The following UGGT2 variants were observed in gnomAD, a reference collection of about 807,000 sequenced individuals.
UGGT2 encodes UDP-glucose:glycoprotein glucosyltransferase 2.
UGGT2 carries 180 observed loss-of-function variants against 192.1 expected under a neutral mutation model. The ratio of observed to expected loss-of-function variants is 0.94; its 90% confidence interval spans 0.83 to 1.06. UGGT2 has a LOEUF of 1.06. Among genes scored for constraint, UGGT2 ranks in the 50% least tolerant of loss-of-function variants. The pLI is 0.00. For missense variants in UGGT2, 1,849 were observed against 1,795.7 expected (o/e 1.03, Z -0.54); for synonymous variants, 580 against 591.0 (o/e 0.98, Z 0.27).
chr13:95,894,547 C>G lies in UGGT2; in HGVS notation c.2855+15G>C, dbSNP rs189350892. On this transcript the variant is annotated intron_variant, in intron 24 of 38. Transcript: ENST00000376747. ...TTAACAGAAAAATCACAAACAAATA[C>G]GAATACATTCTTACCTGTGATTCTC... is the stretch of plus-strand genomic sequence containing the variant. 6.3e-7 allele frequency: 1 copy of G among 1,593,632 alleles called. No individual in the cohort carries two copies. Among genetic ancestry groups the G allele is most frequent in the East Asian group, 2.3e-5 (1 of 44,422 alleles).
chr13:95,817,144 A>G (rs1013651149), intron 38 of UGGT2, among the ~76,000 whole-genome samples: 3 of 152,170 alleles, frequency 2.0e-5, no homozygotes, highest in African/African-American at 7.2e-5. Context: ...AAGTCACTAA[A>G]CTGTAAGCTT....
chr13:95,879,414 T>A lies in UGGT2; in HGVS notation c.3229-1558A>T, dbSNP rs1266509172. Reference sequence around the variant, plus strand: ...GTGATTTAAGTTAAATTAGTTCCTATTTTCAAAGCTCATTTATTTATTTAT... The same window carrying A: ...GTGATTTAAGTTAAATTAGTTCCTAATTTCAAAGCTCATTTATTTATTTAT... On this transcript the variant is annotated intron_variant, in intron 27 of 38. Transcript: ENST00000376747. 3.3e-5 allele frequency among the ~76,000 whole-genome samples: 5 copies of A among 152,176 alleles called. No individual in the cohort carries two copies. In the East Asian group the frequency reaches 9.6e-4, roughly 29 times the overall value.
At chr13:95,882,795 A>T (rs956227992) in intron 27 of UGGT2, among the ~76,000 whole-genome samples, 3 of 152,222 alleles carry the variant, frequency 2.0e-5, no homozygotes, top group African/African-American at 7.2e-5. Context: ...TTTCACCAGC[A>T]GATTCAATTT....
intron 38 of UGGT2, among the ~76,000 whole-genome samples, chr13:95,806,051 A>AAC (rs1033500678): frequency 1.3e-5 from 2 of 151,260 alleles, no homozygotes; most frequent in Non-Finnish European, 2.9e-5. Context: ...AAAAAAAAAA[A>AAC]ACACACAGTG....
chr13:95,860,537 T>A (rs1279956470), intron 32 of UGGT2, among the ~76,000 whole-genome samples: 3 of 148,902 alleles, frequency 2.0e-5, no homozygotes, highest in African/African-American at 4.9e-5. Flanking sequence ...ACTATTTGGG[T>A]AAAAGGACTT....
In UGGT2 at chr13:96,002,697, T is replaced by C. The variant is rs150414413; in HGVS notation, c.661-3390A>G. Among the ~76,000 whole-genome samples, 700 of 152,174 alleles carry C rather than the reference T, an allele frequency of 4.6e-3. 12 individuals carry two copies. The East Asian group carries it at 0.049, about 11-fold the overall frequency. On this transcript the variant is annotated intron_variant, in intron 5 of 38. Transcript: ENST00000376747. ...CTTTTACTAAATAGCAATAACTAACTCAAAATTATACAATGAACAATTAAA... is the reference window on the plus strand; with the variant it reads ...CTTTTACTAAATAGCAATAACTAACCCAAAATTATACAATGAACAATTAAA...
chr13:95,802,114 C>T (rs1035007871), intron 38 of UGGT2, among the ~76,000 whole-genome samples: 2 of 152,104 alleles, frequency 1.3e-5, no homozygotes, highest in Non-Finnish European at 2.9e-5. Context: ...TCCTGCCTGG[C>T]AGATAAGAGG....
At chr13:95,872,301 A>G (rs143075211) in intron 29 of UGGT2, among the ~76,000 whole-genome samples, 35 of 152,320 alleles carry the variant, frequency 2.3e-4, no homozygotes, top group Middle Eastern at 3.4e-3. Flanking sequence ...ACAGACACAG[A>G]AAGTACACAT....
chr13:95,814,356 A>C (rs1366505323), intron 38 of UGGT2, among the ~76,000 whole-genome samples: 2 of 152,216 alleles, frequency 1.3e-5, no homozygotes, highest in Non-Finnish European at 2.9e-5. Flanking sequence ...CCCACCCTTC[A>C]TATCAGTGTA....
At chr13:96,026,479 T>C (rs2052668034) in intron 2 of UGGT2, among the ~76,000 whole-genome samples, 1 of 152,160 alleles carries the variant, frequency 6.6e-6, no homozygotes, top group Non-Finnish European at 1.5e-5. Flanking sequence ...AAAGGATCTT[T>C]TCTATCATAG....
chr13:95,916,930 C>A (rs2048698611), intron 20 of UGGT2, among the ~76,000 whole-genome samples: 1 of 151,474 alleles, frequency 6.6e-6, no homozygotes, highest in South Asian at 2.1e-4. Flanking sequence ...GATGGGGTAC[C>A]TGAAAGAAAC....
intron 27 of UGGT2, among the ~76,000 whole-genome samples, chr13:95,878,611 TAACTA>T (rs1472763421): frequency 5.3e-5 from 8 of 152,200 alleles, no homozygotes; most frequent in African/African-American, 1.9e-4. Flanking sequence ...ATGAACAGCA[TAACTA>T]AACATGAAAA....
chr13:95,962,914 C>G (rs1245481142), intron 12 of UGGT2, among the ~76,000 whole-genome samples: 2 of 152,078 alleles, frequency 1.3e-5, no homozygotes, highest in African/African-American at 4.8e-5. Flanking sequence ...AGGAACAAGT[C>G]ACATCTTATA....
At chr13:95,832,494 C>G (rs3101573) in intron 38 of UGGT2, among the ~76,000 whole-genome samples, 5 of 148,986 alleles carry the variant, frequency 3.4e-5, no homozygotes, top group African/African-American at 7.7e-5. Flanking sequence ...ACCACAAACA[C>G]GTGGGGAAAC....
At chr13:95,986,205 G>T in intron 9 of UGGT2, 128 bp downstream of exon 9, 1 of 629,676 alleles carries the variant, frequency 1.6e-6, no homozygotes, top group Non-Finnish European at 2.7e-6. Context: ...AAAAGGCCCT[G>T]ATTTCACAAA....
chr13:95,950,358 T>A (rs547718287), intron 12 of UGGT2, among the ~76,000 whole-genome samples: 13 of 152,158 alleles, frequency 8.5e-5, no homozygotes, highest in African/African-American at 3.1e-4. Flanking sequence ...CTATATACAC[T>A]GTAGACTTTC....
chr13:95,858,554 C>T (rs533759285), intron 33 of UGGT2, among the ~76,000 whole-genome samples: 1 of 152,268 alleles, frequency 6.6e-6, no homozygotes, highest in Non-Finnish European at 1.5e-5. Flanking sequence ...GAAATAAGTG[C>T]TATCCACTGT....
chr13:95,881,384 A>T (rs1167777962), intron 27 of UGGT2, among the ~76,000 whole-genome samples: 2 of 152,178 alleles, frequency 1.3e-5, no homozygotes, highest in Admixed American at 1.3e-4. Flanking sequence ...GAAGAGACAG[A>T]ACTCTTCGCT....
chr13:95,924,743 TTAAG>T (rs1331752794), intron 20 of UGGT2, among the ~76,000 whole-genome samples: 1 of 152,090 alleles, frequency 6.6e-6, no homozygotes, highest in African/African-American at 2.4e-5. Context: ...GTGAGGGCAC[TTAAG>T]TAACACCAAA....
Sources: allele counts gnomAD v4.1 joint callset (sites outside exome capture counted in the v4.1 genomes callset), GRCh38; gene constraint gnomAD v4.1.1; transcripts MANE v1.5; gene names NCBI Gene and HGNC (gene_info 2026-07-23, HGNC 2026-07-21).